SLC30A6: variants seen among roughly 807,000 people sequenced by gnomAD.
SLC30A6 encodes zinc transporter 6.
In SLC30A6, 55 loss-of-function variants were observed where a neutral mutation model predicts 63.0. That is an observed-to-expected ratio of 0.87 (90% CI 0.70 to 1.09). The LOEUF is 1.09. Ranked by LOEUF, SLC30A6 falls within the 50% of genes least tolerant of loss-of-function variation. The pLI is 0.00. For synonymous variants in SLC30A6, 224 were observed against 186.1 expected, an observed-to-expected ratio of 1.20 and a Z score of -1.66; for missense variants, 587 against 549.2, an observed-to-expected ratio of 1.07 and a Z score of -0.69.
rs1178296413 is a variant in SLC30A6 at position 32,220,287 on chromosome 2, G to A, written c.960G>A (p.Leu320=). 1.1e-5 allele frequency: 17 copies of A among 1,614,076 alleles called. No individual in the cohort carries two copies. The highest frequency in any genetic ancestry group is 2.2e-5 in the East Asian group (1 of 44,896). Residue 320 remains leucine, a synonymous_variant, in exon 14 of 14, where the codon CTG becomes CTA. Coordinates refer to ENST00000282587, the MANE Select transcript of SLC30A6 (RefSeq NM_017964.5). ...TTCTTGCTCATGTGACCAACAGGCT[G>A]TACACTCTAGTGTCTACTCTAACTG... ...QMVLAHVTNR[L]YTLVSTLTVQ... is the part of the protein sequence containing the mutation.
chr2:32,207,091 G>T (rs1343421741), intron 12 of SLC30A6, among the ~76,000 whole-genome samples, 158 bp downstream of exon 12: 1 of 152,126 alleles, frequency 6.6e-6, no homozygotes, highest in Non-Finnish European at 1.5e-5. Context: ...AGTGGCAAAC[G>T]TGGAAAAATA....
chr2:32,197,951 A>G (rs1683947472), intron 10 of SLC30A6, 125 bp downstream of exon 10: 1 of 1,148,550 alleles, frequency 8.7e-7, no homozygotes, highest in East Asian at 2.4e-5. Context: ...AACTTAGATC[A>G]CATCTTTTCC....
intron 13 of SLC30A6, chr2:32,214,589 G>A (rs1685543140): frequency 1.3e-5 from 2 of 152,052 alleles, no homozygotes; most frequent in Non-Finnish European, 2.9e-5. Context: ...TTGCGTTAAT[G>A]ACATTGGATG....
chr2:32,218,200 C>T (rs925453859), intron 13 of SLC30A6, among the ~76,000 whole-genome samples: 2 of 152,142 alleles, frequency 1.3e-5, no homozygotes, highest in South Asian at 2.1e-4. Context: ...GCAGGAGGAT[C>T]GCTTGAACCT....
At chr2:32,177,890 A>G (rs1681917242) in intron 4 of SLC30A6, among the ~76,000 whole-genome samples, 1 of 151,644 alleles carries the variant, frequency 6.6e-6, no homozygotes, top group African/African-American at 2.4e-5. Context: ...CCGCCTCCCA[A>G]AGTGCTAAGA....
At chr2:32,174,547 G>GTTTTTT (rs1169226985) in intron 3 of SLC30A6, among the ~76,000 whole-genome samples, 1 of 85,740 alleles carries the variant, frequency 1.2e-5, no homozygotes, top group African/African-American at 4.6e-5. Flanking sequence ...TCTATCTGGA[G>GTTTTTT]ATTTTTTTTT....
Position 32,224,377 on chromosome 2 carries a change from T to A in SLC30A6, c.*3664T>A. The A allele has an allele frequency of 1.2e-6, 1 of 848,486 alleles. No homozygotes were observed. Among genetic ancestry groups the A allele is most frequent in the Non-Finnish European group, 1.8e-6 (1 of 546,724 alleles). 52.6% of individuals were successfully genotyped at this position (848,486 alleles called of 1,614,324 possible). A position where few individuals can be genotyped will look rare whatever the true frequency, so the allele number is the denominator to read the frequency against. ...TCAAATTAAACTTCTTTCCACGTCC[T>A]TATCTTCTTTGGCATCCTTTTGCAA... On this transcript the variant is annotated 3_prime_UTR_variant, in exon 14 of 14. Coordinates refer to ENST00000282587, the MANE Select transcript of SLC30A6 (RefSeq NM_017964.5).
intron 10 of SLC30A6, among the ~76,000 whole-genome samples, chr2:32,201,209 A>C (rs1283459726): frequency 6.6e-6 from 1 of 152,212 alleles, no homozygotes; most frequent in Non-Finnish European, 1.5e-5. Flanking sequence ...ATTGTGTCTC[A>C]TTCACATTTC....
Position 32,220,550 on chromosome 2 carries a change from C to T in SLC30A6, c.1223C>T (p.Pro408Leu). Residue 408 changes from proline to leucine, a missense_variant, in exon 14 of 14, where the codon CCT (proline) becomes CTT (leucine). Coordinates refer to ENST00000282587, the MANE Select transcript of SLC30A6 (RefSeq NM_017964.5). ...ATTCTTCTAAACACACAAACAAGGC[C>T]TTATGGTTTTGGTCTCAATCATGGA... The part of the protein sequence containing the change: ...PVILLNTQTR[P>L]YGFGLNHGHT... 1 of 1,614,150 alleles carries T rather than the reference C, an allele frequency of 6.2e-7. No homozygotes were observed. Among genetic ancestry groups the T allele is most frequent in the African/African-American group, 1.3e-5 (1 of 75,036 alleles).
At chr2:32,168,873 G>C (rs375848275) in intron 1 of SLC30A6, among the ~76,000 whole-genome samples, 2 of 152,166 alleles carry the variant, frequency 1.3e-5, no homozygotes, top group Non-Finnish European at 2.9e-5. Flanking sequence ...TATTCTGATA[G>C]CAATGGCGAG....
intron 3 of SLC30A6, among the ~76,000 whole-genome samples, chr2:32,174,679 A>G (rs1049051608): frequency 1.4e-5 from 2 of 143,258 alleles, no homozygotes; most frequent in African/African-American, 5.2e-5. Context: ...TCAGCCTCCC[A>G]AGTAGCTGGG....
At chr2:32,201,726 A>T in intron 10 of SLC30A6, 1 of 1,339,480 alleles carries the variant, frequency 7.5e-7, no homozygotes, top group Non-Finnish European at 1.0e-6. Context: ...TGGATTATGG[A>T]CCTGTACTTC....
At chr2:32,197,641 A>T in intron 9 of SLC30A6, 66 bp from the exon 10 acceptor site, 1 of 1,602,000 alleles carries the variant, frequency 6.2e-7, no homozygotes, top group Non-Finnish European at 8.5e-7. Context: ...GTTATCTTTT[A>T]CAAGGTTGTC....
chr2:32,207,949 C>T (rs1684923646), intron 12 of SLC30A6, among the ~76,000 whole-genome samples: 1 of 151,674 alleles, frequency 6.6e-6, no homozygotes, highest in Non-Finnish European at 1.5e-5. Flanking sequence ...CCACCCACCT[C>T]GACCTCCCAA....
intron 10 of SLC30A6, among the ~76,000 whole-genome samples, chr2:32,198,592 C>A (rs561266501): frequency 6.6e-6 from 1 of 152,160 alleles, no homozygotes; most frequent in East Asian, 1.9e-4. Flanking sequence ...ATAGAGTTGG[C>A]TTTTTTCTGA....
chr2:32,166,281 G>C (rs1558358447), intron 1 of SLC30A6, among the ~76,000 whole-genome samples: 2 of 150,630 alleles, frequency 1.3e-5, no homozygotes, highest in Non-Finnish European at 2.9e-5. Flanking sequence ...GTGATTCTTA[G>C]AGCAGTGGCG....
intron 13 of SLC30A6, among the ~76,000 whole-genome samples, chr2:32,219,855 C>T (rs1371101702): frequency 6.6e-6 from 1 of 152,194 alleles, no homozygotes; most frequent in East Asian, 1.9e-4. Context: ...TAATCACCAA[C>T]CGTAGATTAA....
At chr2:32,210,201 A>G (rs981194861) in intron 13 of SLC30A6, among the ~76,000 whole-genome samples, 6 of 152,188 alleles carry the variant, frequency 3.9e-5, no homozygotes, top group Non-Finnish European at 8.8e-5. Context: ...GTGTTTATAC[A>G]TTTATTTTCC....
At chr2:32,168,072 C>G (rs1221109559) in intron 1 of SLC30A6, among the ~76,000 whole-genome samples, 1 of 152,072 alleles carries the variant, frequency 6.6e-6, no homozygotes, top group Non-Finnish European at 1.5e-5. Context: ...ACTTATGGCA[C>G]TATATCTTTA....
Sources: allele counts gnomAD v4.1 joint callset (sites outside exome capture counted in the v4.1 genomes callset), GRCh38; gene constraint gnomAD v4.1.1; transcripts MANE v1.5; gene names NCBI Gene and HGNC (gene_info 2026-07-23, HGNC 2026-07-21).